The following IGF1R variants were observed in gnomAD, a reference collection of about 807,000 sequenced individuals.
The protein encoded by IGF1R is insulin like growth factor 1 receptor, also known as insulin-like growth factor 1 receptor.
In IGF1R, 44 loss-of-function variants were observed where a neutral mutation model predicts 144.6. The observed-to-expected ratio is 0.30, with a 90% confidence interval of 0.24 to 0.39. The LOEUF is 0.39. Among genes scored for constraint, IGF1R ranks in the 10% least tolerant of loss-of-function variants. IGF1R has a pLI of 1.00. For missense variants in IGF1R, 1,355 were observed against 1,833.7 expected (o/e 0.74, Z 4.77); for synonymous variants, 795 against 722.8 (o/e 1.10, Z -1.60).
At chr15:98,878,731 A>G (rs2013209848) in intron 2 of IGF1R, among the ~76,000 whole-genome samples, 1 of 150,364 alleles carries the variant, frequency 6.7e-6, no homozygotes, top group African/African-American at 2.5e-5. Context: ...GGTGGCTCAG[A>G]CCTATAATCC....
chr15:98,904,114 G>T (rs1439148527), intron 5 of IGF1R, among the ~76,000 whole-genome samples: 1 of 148,056 alleles, frequency 6.8e-6, no homozygotes, highest in Non-Finnish European at 1.5e-5. Flanking sequence ...GTGCAGTGGC[G>T]CTGTCTCGGA....
intron 2 of IGF1R, among the ~76,000 whole-genome samples, chr15:98,865,618 T>G (rs1157080692): frequency 6.6e-6 from 1 of 151,926 alleles, no homozygotes; most frequent in East Asian, 1.9e-4. Context: ...CTCCTTGGGG[T>G]TTTTTTCTCT....
intron 2 of IGF1R, among the ~76,000 whole-genome samples, chr15:98,720,668 A>G (rs1019176503): frequency 3.9e-5 from 6 of 152,194 alleles, no homozygotes; most frequent in African/African-American, 1.4e-4. Context: ...GTGGTTAGGG[A>G]AGGAGTTGAG....
At chr15:98,765,163 A>G (rs1254296379) in intron 2 of IGF1R, among the ~76,000 whole-genome samples, 1 of 152,152 alleles carries the variant, frequency 6.6e-6, no homozygotes, top group Non-Finnish European at 1.5e-5. Context: ...TTATGGGTGA[A>G]TAATAGTCCA....
At chr15:98,826,673 T>A (rs181820677) in intron 2 of IGF1R, among the ~76,000 whole-genome samples, 18 of 152,354 alleles carry the variant, frequency 1.2e-4, no homozygotes, top group Admixed American at 1.2e-3. Flanking sequence ...AAGAGTACAT[T>A]TGTATCTCTT....
intron 1 of IGF1R, among the ~76,000 whole-genome samples, chr15:98,670,443 CAG>C (rs2052858902): frequency 6.6e-6 from 1 of 152,002 alleles, no homozygotes; most frequent in Admixed American, 6.6e-5. Flanking sequence ...GGGGGCAAAT[CAG>C]GGATGGTTTT....
chr15:98,962,138 G>A lies in IGF1R; in HGVS notation c.*4696G>A. On this transcript the variant is annotated 3_prime_UTR_variant, in exon 21 of 21. Transcript: ENST00000650285. ...CAAGATCACACTGAGATCGATGGGTGAGAAGGCTAGGATGCTTGTCTAGTG... is the reference window on the plus strand; with the variant it reads ...CAAGATCACACTGAGATCGATGGGTAAGAAGGCTAGGATGCTTGTCTAGTG... The A allele has an allele frequency of 4.3e-6, 1 of 233,358 alleles. No homozygotes were observed. The highest frequency in any genetic ancestry group is 8.5e-6 in the Non-Finnish European group (1 of 118,082). 14.5% of individuals were successfully genotyped at this position (233,358 alleles called of 1,614,324 possible).
At chr15:98,754,958 T>A (rs2055111704) in intron 2 of IGF1R, among the ~76,000 whole-genome samples, 1 of 152,212 alleles carries the variant, frequency 6.6e-6, no homozygotes, top group Non-Finnish European at 1.5e-5. Flanking sequence ...CTAAATATTG[T>A]GTGCCTAGAA....
At chr15:98,733,145 A>C (rs78468403) in intron 2 of IGF1R, among the ~76,000 whole-genome samples, 5,587 of 152,254 alleles carry the variant, frequency 0.037, 117 homozygotes, top group East Asian at 0.051. Flanking sequence ...GAACCACCAC[A>C]GTGATCCGAG....
chr15:98,912,335 GGAGCCCCTCAT>G (rs1334494848), intron 7 of IGF1R, among the ~76,000 whole-genome samples: 1 of 152,208 alleles, frequency 6.6e-6, no homozygotes, highest in African/African-American at 2.4e-5. Context: ...TGTACACAGG[GGAGCCCCTCAT>G]GATCTCCCAT....
At chr15:98,922,650 C>G (rs949707517) in intron 11 of IGF1R, among the ~76,000 whole-genome samples, 2 of 152,246 alleles carry the variant, frequency 1.3e-5, no homozygotes, top group African/African-American at 4.8e-5. Context: ...TTGGTCTCTC[C>G]ATAGAACGTG....
chr15:98,873,032 C>T (rs955929119), intron 2 of IGF1R, among the ~76,000 whole-genome samples: 6 of 152,110 alleles, frequency 3.9e-5, no homozygotes, highest in Non-Finnish European at 5.9e-5. Context: ...AATGCTACCT[C>T]GCGTCATCAT....
chr15:98,850,989 G>A (rs1217857251), intron 2 of IGF1R, among the ~76,000 whole-genome samples: 1 of 152,196 alleles, frequency 6.6e-6, no homozygotes, highest in Non-Finnish European at 1.5e-5. Context: ...TAGAGTCGGA[G>A]TACAGTGTTG....
At chr15:98,914,914 G>T (rs569996930) in intron 8 of IGF1R, among the ~76,000 whole-genome samples, 4 of 152,300 alleles carry the variant, frequency 2.6e-5, no homozygotes, top group South Asian at 4.1e-4. Flanking sequence ...GCATCAAGTG[G>T]TTGTGTTTTC....
At chr15:98,852,086 A>G (rs1303691585) in intron 2 of IGF1R, among the ~76,000 whole-genome samples, 11 of 152,210 alleles carry the variant, frequency 7.2e-5, no homozygotes, top group Admixed American at 4.6e-4. Flanking sequence ...CTAAATTGCC[A>G]TTCTCTTTGG....
chr15:98,661,836 A>G (rs552239304), intron 1 of IGF1R, among the ~76,000 whole-genome samples: 23 of 152,074 alleles, frequency 1.5e-4, no homozygotes, highest in African/African-American at 4.8e-4. Flanking sequence ...GCATCCAATA[A>G]ATGGATGCTT....
chr15:98,865,421 C>T (rs1013779081), intron 2 of IGF1R, among the ~76,000 whole-genome samples: 29 of 152,316 alleles, frequency 1.9e-4, no homozygotes, highest in African/African-American at 4.6e-4. Flanking sequence ...GGCTGGGCTC[C>T]TGCAGCCGCC....
intron 2 of IGF1R, among the ~76,000 whole-genome samples, chr15:98,736,932 GAAC>G (rs910270378): frequency 2.0e-5 from 3 of 152,050 alleles, no homozygotes; most frequent in African/African-American, 7.2e-5. Flanking sequence ...TTTTCAAAGA[GAAC>G]AACAATTCAC....
intron 2 of IGF1R, 43 bp downstream of exon 2, chr15:98,708,150 C>G: frequency 2.1e-5 from 31 of 1,507,580 alleles, no homozygotes; most frequent in Non-Finnish European, 2.8e-5. Flanking sequence ...GCCTCTCTCT[C>G]TCCTCTCCTC....
Sources: allele counts gnomAD v4.1 joint callset (sites outside exome capture counted in the v4.1 genomes callset), GRCh38; gene constraint gnomAD v4.1.1; transcripts MANE v1.5; gene names NCBI Gene and HGNC (gene_info 2026-07-23, HGNC 2026-07-21).